Variants in DGKI observed in about 807,000 individuals in gnomAD.
DGKI encodes the protein diacylglycerol kinase iota.
In DGKI, 55 loss-of-function variants were observed where a neutral mutation model predicts 147.5. That is an observed-to-expected ratio of 0.37 (90% CI 0.30 to 0.47). The LOEUF is 0.47. DGKI is among the 20% of genes least tolerant of loss of function. The pLI is 1.00. For missense variants in DGKI, 1,007 were observed against 1,323.8 expected, an observed-to-expected ratio of 0.76 and a Z score of 3.71; for synonymous variants, 469 against 477.1, an observed-to-expected ratio of 0.98 and a Z score of 0.22.
intron 21 of DGKI, among the ~76,000 whole-genome samples, chr7:137,502,932 T>C (rs530873268): frequency 2.0e-5 from 3 of 152,180 alleles, no homozygotes; most frequent in Non-Finnish European, 4.4e-5. Context: ...ACGAGTCCCA[T>C]ATGTAGAGCT....
intron 6 of DGKI, among the ~76,000 whole-genome samples, chr7:137,625,743 TA>T (rs11302496): frequency 0.1 from 13,433 of 128,802 alleles, 1,591 homozygotes; most frequent in African/African-American, 0.3. Flanking sequence ...ATATTAAAAT[TA>T]AAAAAAAAAA....
chr7:137,462,728 G>T (rs1340223307), intron 27 of DGKI, among the ~76,000 whole-genome samples: 1 of 152,146 alleles, frequency 6.6e-6, no homozygotes, highest in African/African-American at 2.4e-5. Context: ...CTGGAAACCA[G>T]CCTAATTTCA....
chr7:137,726,147 C>G (rs1445376156), intron 1 of DGKI, among the ~76,000 whole-genome samples: 2 of 152,192 alleles, frequency 1.3e-5, no homozygotes, highest in African/African-American at 4.8e-5. Context: ...TCTCCCCTCT[C>G]AGGCAATGGT....
At chr7:137,567,176 A>C (rs142061109) in intron 19 of DGKI, among the ~76,000 whole-genome samples, 4,527 of 151,596 alleles carry the variant, frequency 0.03, 200 homozygotes, top group East Asian at 0.11. Context: ...AGGCAGGAGA[A>C]TCGCTTGAAC....
chr7:137,556,008 T>C (rs1280562401), intron 19 of DGKI, among the ~76,000 whole-genome samples: 1 of 152,196 alleles, frequency 6.6e-6, no homozygotes, highest in Non-Finnish European at 1.5e-5. Flanking sequence ...GTCTCTTTTA[T>C]AGAAGTTAAA....
At chr7:137,766,002 G>A (rs1402594341) in intron 1 of DGKI, among the ~76,000 whole-genome samples, 1 of 152,182 alleles carries the variant, frequency 6.6e-6, no homozygotes, top group East Asian at 1.9e-4. Context: ...GCCAAGAGAA[G>A]CTACCTGAAC....
chr7:137,708,056 G>A (rs1002772653), intron 1 of DGKI, among the ~76,000 whole-genome samples: 2 of 152,142 alleles, frequency 1.3e-5, no homozygotes, highest in Admixed American at 1.3e-4. Flanking sequence ...AACTTTCTGC[G>A]AACCAGAACT....
chr7:137,475,567 C>A (rs949573089), intron 23 of DGKI, among the ~76,000 whole-genome samples: 3 of 152,170 alleles, frequency 2.0e-5, no homozygotes, highest in African/African-American at 7.2e-5. Context: ...ATACATTATT[C>A]TTTTTCCTGT....
chr7:137,699,855 C>T (rs763402394), intron 1 of DGKI, among the ~76,000 whole-genome samples: 7 of 152,172 alleles, frequency 4.6e-5, no homozygotes, highest in Admixed American at 2.6e-4. Flanking sequence ...GTATCGCTGA[C>T]TAGACAACCC....
chr7:137,664,730 CGTGCCCA>C (rs956106266), intron 3 of DGKI, among the ~76,000 whole-genome samples: 3 of 152,104 alleles, frequency 2.0e-5, no homozygotes, highest in Non-Finnish European at 2.9e-5. Flanking sequence ...CATCAGACAC[CGTGCCCA>C]GCCCTGAAAA....
intron 20 of DGKI, among the ~76,000 whole-genome samples, chr7:137,524,720 T>C (rs936125667): frequency 2.0e-5 from 3 of 152,090 alleles, no homozygotes; most frequent in Admixed American, 2.0e-4. Context: ...TAGGAGAAGT[T>C]GAGGAGGGGC....
At chr7:137,464,566 C>T (rs942676434) in intron 26 of DGKI, among the ~76,000 whole-genome samples, 2 of 152,212 alleles carry the variant, frequency 1.3e-5, no homozygotes, top group Non-Finnish European at 2.9e-5. Context: ...TTCCCCCATG[C>T]TCTGACATCG....
At chr7:137,648,684 A>G (rs774772219) in intron 5 of DGKI, among the ~76,000 whole-genome samples, 2 of 152,078 alleles carry the variant, frequency 1.3e-5, no homozygotes, top group African/African-American at 2.4e-5. Context: ...AAAACTTACG[A>G]ATTGTTTATT....
intron 29 of DGKI, among the ~76,000 whole-genome samples, chr7:137,409,562 ACT>A (rs1812084862): frequency 1.3e-5 from 2 of 152,214 alleles, no homozygotes; most frequent in Non-Finnish European, 2.9e-5. Flanking sequence ...ACATCCCTAA[ACT>A]GGGGGGCAAG....
intron 21 of DGKI, among the ~76,000 whole-genome samples, chr7:137,489,078 C>A (rs958793276): frequency 9.2e-5 from 14 of 152,116 alleles, no homozygotes; most frequent in African/African-American, 3.4e-4. Flanking sequence ...TCAATCCCAC[C>A]ACCCCATTCC....
chr7:137,835,640 C>G (rs1033484973), intron 1 of DGKI, among the ~76,000 whole-genome samples: 2 of 151,930 alleles, frequency 1.3e-5, no homozygotes, highest in Middle Eastern at 3.2e-3. Context: ...CTTGTAGTTT[C>G]ATGTTTTCAT....
intron 1 of DGKI, among the ~76,000 whole-genome samples, 177 bp from the exon 2 acceptor site, chr7:137,690,179 G>A (rs1306984590): frequency 6.6e-6 from 1 of 152,146 alleles, no homozygotes; most frequent in African/African-American, 2.4e-5. Flanking sequence ...GTCCAAAGAG[G>A]GTGGCAGGTC....
intron 5 of DGKI, among the ~76,000 whole-genome samples, chr7:137,653,236 G>A (rs184066878): frequency 6.6e-6 from 1 of 152,198 alleles, no homozygotes; most frequent in Non-Finnish European, 1.5e-5. Context: ...TGTCAATTTT[G>A]TTTCCTTCAA....
intron 1 of DGKI, among the ~76,000 whole-genome samples, chr7:137,715,443 G>A (rs536087278): frequency 6.6e-6 from 1 of 152,322 alleles, no homozygotes; most frequent in East Asian, 1.9e-4. Context: ...CAGTCTGATG[G>A]TGGAGCAGGG....
Sources: gnomAD v4.1 joint callset for allele counts (sites outside exome capture counted in the v4.1 genomes callset) on GRCh38, gnomAD v4.1.1 for gene constraint, MANE v1.5 for transcripts, NCBI Gene and HGNC (gene_info 2026-07-23, HGNC 2026-07-21) for gene names.